The following SYT16 variants were observed in gnomAD, a reference collection of about 807,000 sequenced individuals.
SYT16 encodes the protein synaptotagmin-16.
SYT16 carries 42 observed loss-of-function variants against 61.4 expected under a neutral mutation model. That is an observed-to-expected ratio of 0.68 (90% CI 0.53 to 0.89). SYT16 has a LOEUF of 0.89. Ranked by LOEUF, SYT16 falls within the 40% of genes least tolerant of loss-of-function variation. The probability of loss-of-function intolerance (pLI) is 0.00; values close to 1 mark genes in which losing one functional copy is unlikely to be tolerated. For missense variants in SYT16, 804 were observed against 807.3 expected, an observed-to-expected ratio of 1.00 and a Z score of 0.05; for synonymous variants, 314 against 302.3, an observed-to-expected ratio of 1.04 and a Z score of -0.40.
chr14:62,007,990 C>T (rs2140685878), intron 3 of SYT16, among the ~76,000 whole-genome samples: 1 of 151,848 alleles, frequency 6.6e-6, no homozygotes, highest in South Asian at 2.1e-4. Flanking sequence ...AATTACCCAG[C>T]CAAAAGGGGA....
chr14:61,970,967 C>T (rs1273803264), intron 2 of SYT16, among the ~76,000 whole-genome samples: 1 of 150,968 alleles, frequency 6.6e-6, no homozygotes, highest in Non-Finnish European at 1.5e-5. Flanking sequence ...GATTATTACT[C>T]TCCTTTTCCA....
Position 62,100,880 on chromosome 14 carries a change from A to G in SYT16, c.*173A>G, listed in dbSNP as rs951624815. 2 of 646,852 alleles carry G rather than the reference A, an allele frequency of 3.1e-6. No individual in the cohort carries two copies. The highest frequency in any genetic ancestry group is 1.8e-5 in the African/African-American group (1 of 54,658). The allele number at this position is 646,852 out of a possible 1,614,324, so 40.1% of individuals were successfully genotyped here. A position where few individuals can be genotyped will look rare whatever the true frequency, so the allele number is the denominator to read the frequency against. ...TCAATGGTCTGATTTGGATTTAAAT[A>G]TTGTAATTTTAAAAACACACATACA... On this transcript the variant is annotated 3_prime_UTR_variant, in exon 8 of 8. Coordinates refer to ENST00000683842, the MANE Select transcript of SYT16 (RefSeq NM_001367656.1).
intron 1 of SYT16, among the ~76,000 whole-genome samples, chr14:61,910,760 C>T (rs543956446): frequency 3.9e-4 from 59 of 152,210 alleles, no homozygotes; most frequent in African/African-American, 1.3e-3. Context: ...AACTCCTGAC[C>T]GCAAGTGATC....
At chr14:61,917,899 A>AC (rs1318581768) in intron 1 of SYT16, among the ~76,000 whole-genome samples, 1 of 152,170 alleles carries the variant, frequency 6.6e-6, no homozygotes, top group Non-Finnish European at 1.5e-5. Context: ...TTTCATATAT[A>AC]CCTTATACAC....
intron 2 of SYT16, among the ~76,000 whole-genome samples, chr14:61,971,296 A>T (rs1006181648): frequency 9.9e-5 from 15 of 152,170 alleles, no homozygotes; most frequent in African/African-American, 3.6e-4. Context: ...GAAGTTCAGA[A>T]ATTGAGGAGT....
At chr14:62,042,312 T>C (rs1297278520) in intron 3 of SYT16, among the ~76,000 whole-genome samples, 3 of 152,162 alleles carry the variant, frequency 2.0e-5, no homozygotes, top group Admixed American at 6.5e-5. Flanking sequence ...CCAAACATTT[T>C]TGATTGAATA....
At chr14:61,962,023 A>G (rs1324017679) in intron 1 of SYT16, among the ~76,000 whole-genome samples, 4 of 152,178 alleles carry the variant, frequency 2.6e-5, no homozygotes, top group Non-Finnish European at 5.9e-5. Context: ...GGGACAGAAA[A>G]TCAAATAACG....
At chr14:61,862,015 T>C (rs1449681541) in intron 1 of SYT16, among the ~76,000 whole-genome samples, 1 of 152,182 alleles carries the variant, frequency 6.6e-6, no homozygotes, top group Non-Finnish European at 1.5e-5. Context: ...CTACAAACTT[T>C]CAATTTGTAA....
intron 3 of SYT16, among the ~76,000 whole-genome samples, chr14:62,036,838 T>G (rs1465152380): frequency 6.6e-6 from 1 of 152,026 alleles, no homozygotes; most frequent in Non-Finnish European, 1.5e-5. Flanking sequence ...CAAGATGAGA[T>G]TTGGGTGGGG....
chr14:62,057,395 C>T (rs1027681294), intron 3 of SYT16, among the ~76,000 whole-genome samples: 3 of 152,196 alleles, frequency 2.0e-5, no homozygotes, highest in Admixed American at 6.5e-5. Context: ...GACCTTAGTT[C>T]GTGGCTGTTG....
At chr14:61,836,967 C>A (rs1047998113) in intron 1 of SYT16, among the ~76,000 whole-genome samples, 1 of 152,174 alleles carries the variant, frequency 6.6e-6, no homozygotes, top group African/African-American at 2.4e-5. Context: ...GCAGACAGTA[C>A]GCTAACCCCT....
At position 62,105,222 on chromosome 14, in the gene SYT16, G is replaced by A. The variant is rs144776926; in HGVS notation, c.*4515G>A. 1 of 152,128 alleles carries A rather than the reference G, an allele frequency of 6.6e-6. No homozygotes were observed. The allele number at this position is 152,128 out of a possible 1,614,324, so 9.4% of individuals were successfully genotyped here. ...CCTTGATGGTTTGTGTGTACCTCTT[G>A]ATCGATCACAAACAAGGCCTCTCCT... On this transcript the variant is annotated 3_prime_UTR_variant, in exon 8 of 8. Transcript: ENST00000683842.
chr14:61,907,640 C>A (rs2140372328), intron 1 of SYT16, among the ~76,000 whole-genome samples: 1 of 152,326 alleles, frequency 6.6e-6, no homozygotes, highest in African/African-American at 2.4e-5. Context: ...TACATCTCCC[C>A]AGAGTGTGGG....
chr14:62,069,918 G>A lies in SYT16; in HGVS notation c.736+103G>A, dbSNP rs923642640. On this transcript the variant is annotated intron_variant, in intron 4 of 7. Coordinates refer to ENST00000683842, the MANE Select transcript of SYT16 (RefSeq NM_001367656.1). ...CACTCTGCATCTGAGAGTCCAGAGA[G>A]GAAAAGAAAATGAGGCAGGATGCAT... is the stretch of plus-strand genomic sequence containing the variant. 2.8e-5 allele frequency: 37 copies of A among 1,332,898 alleles called. No homozygotes were observed. In the African/African-American group the frequency reaches 4.7e-4, roughly 17 times the overall value. 82.6% of individuals were successfully genotyped at this position (1,332,898 alleles called of 1,614,324 possible). A position where few individuals can be genotyped will look rare whatever the true frequency, so the allele number is the denominator to read the frequency against.
chr14:61,882,367 C>T (rs1172832738), intron 1 of SYT16, among the ~76,000 whole-genome samples: 1 of 152,174 alleles, frequency 6.6e-6, no homozygotes, highest in Non-Finnish European at 1.5e-5. Flanking sequence ...ATACCCAAGA[C>T]TTCTTCACAG....
intron 1 of SYT16, among the ~76,000 whole-genome samples, chr14:61,881,305 C>T (rs1302647360): frequency 6.6e-6 from 1 of 152,196 alleles, no homozygotes; most frequent in South Asian, 2.1e-4. Context: ...TTGGCTGCTC[C>T]CCTTCTCAGC....
At chr14:62,012,177 T>G (rs2053495217) in intron 3 of SYT16, among the ~76,000 whole-genome samples, 1 of 152,176 alleles carries the variant, frequency 6.6e-6, no homozygotes, top group Non-Finnish European at 1.5e-5. Context: ...AGCTGAATCC[T>G]TTGCTTAGGG....
intron 3 of SYT16, among the ~76,000 whole-genome samples, chr14:62,033,369 C>A (rs755542771): frequency 1.3e-5 from 2 of 151,926 alleles, no homozygotes; most frequent in African/African-American, 4.8e-5. Flanking sequence ...CTTTCCTCCC[C>A]GGCCTGTTGC....
intron 1 of SYT16, among the ~76,000 whole-genome samples, chr14:61,823,407 C>G (rs1483640018): frequency 6.6e-6 from 1 of 151,888 alleles, no homozygotes; most frequent in Non-Finnish European, 1.5e-5. Flanking sequence ...ATTTTATCCA[C>G]TTCAGGCTAT....
Sources: gnomAD v4.1 joint callset for allele counts (sites outside exome capture counted in the v4.1 genomes callset) on GRCh38, gnomAD v4.1.1 for gene constraint, MANE v1.5 for transcripts, NCBI Gene and HGNC (gene_info 2026-07-23, HGNC 2026-07-21) for gene names.